The following CTIF variants were observed in gnomAD, a reference collection of about 807,000 sequenced individuals.
CTIF encodes the protein CBP80/20-dependent translation initiation factor.
In CTIF, 21 loss-of-function variants were observed where a neutral mutation model predicts 66.0. That is an observed-to-expected ratio of 0.32 (90% CI 0.23 to 0.46). CTIF has a LOEUF of 0.46. Ranked by LOEUF, CTIF falls within the 20% of genes least tolerant of loss-of-function variation. The pLI is 1.00. For synonymous variants in CTIF, 345 were observed against 326.4 expected (o/e 1.06, Z -0.62); for missense variants, 739 against 812.7 (o/e 0.91, Z 1.10).
chr18:48,648,560 A>T (rs7230732), intron 3 of CTIF, among the ~76,000 whole-genome samples: 1 of 151,602 alleles, frequency 6.6e-6, no homozygotes, highest in East Asian at 1.9e-4. Context: ...CTGCCCCCTG[A>T]CACCTCCCCC....
intron 10 of CTIF, among the ~76,000 whole-genome samples, chr18:48,819,200 C>T (rs1428493601): frequency 6.6e-6 from 1 of 152,220 alleles, no homozygotes; most frequent in Non-Finnish European, 1.5e-5. Flanking sequence ...AGACAATGGC[C>T]TCTCCTGACT....
At chr18:48,678,222 G>A (rs2091668866) in intron 6 of CTIF, among the ~76,000 whole-genome samples, 1 of 152,160 alleles carries the variant, frequency 6.6e-6, no homozygotes. Context: ...CTCTACTGCT[G>A]AAGGCAATAA....
chr18:48,769,057 T>C (rs573972257), intron 9 of CTIF, among the ~76,000 whole-genome samples: 1 of 152,258 alleles, frequency 6.6e-6, no homozygotes, highest in South Asian at 2.1e-4. Flanking sequence ...CACTCTCCAT[T>C]CGCCCTAGTC....
chr18:48,711,634 C>T lies in CTIF; in HGVS notation c.523C>T (p.Pro175Ser), dbSNP rs1568156690. ...CATGACACAGGGCTACCACCCGATG[C>T]CCCATGAAGTGGAGATCGCACACAC... ...LPAWQGYHPM[P>S]HEVEIAHTKK... Residue 175 changes from proline to serine, a missense_variant, in exon 7 of 12, where the codon CCC (proline) becomes TCC (serine). By Grantham distance (74) the Pro-to-Ser change is moderately conservative (BLOSUM62 -1). Transcript: ENST00000256413. 6.2e-7 allele frequency: 1 copy of T among 1,613,996 alleles called. No individual in the cohort carries two copies. The highest frequency in any genetic ancestry group is 8.5e-7 in the Non-Finnish European group (1 of 1,179,892).
chr18:48,582,048 C>A (rs1421805657), intron 1 of CTIF, among the ~76,000 whole-genome samples: 1 of 151,974 alleles, frequency 6.6e-6, no homozygotes, highest in African/African-American at 2.4e-5. Flanking sequence ...CCCTGAGGGA[C>A]CTCCTGTGCG....
intron 1 of CTIF, among the ~76,000 whole-genome samples, chr18:48,576,350 G>T (rs763712486): frequency 6.6e-6 from 1 of 152,260 alleles, no homozygotes; most frequent in Non-Finnish European, 1.5e-5. Flanking sequence ...AGAGATAGAA[G>T]AATTTGCGGT....
At chr18:48,715,472 T>C (rs1296732261) in intron 7 of CTIF, among the ~76,000 whole-genome samples, 2 of 152,182 alleles carry the variant, frequency 1.3e-5, no homozygotes, top group Non-Finnish European at 2.9e-5. Flanking sequence ...CCATGCAAGT[T>C]GGAGACCTGT....
intron 1 of CTIF, among the ~76,000 whole-genome samples, chr18:48,582,762 A>C (rs2089688728): frequency 6.6e-6 from 1 of 152,142 alleles, no homozygotes; most frequent in Non-Finnish European, 1.5e-5. Context: ...TAGTTCGTTT[A>C]GTCCTTAGAA....
intron 1 of CTIF, among the ~76,000 whole-genome samples, chr18:48,569,230 T>C (rs1326929237): frequency 6.6e-6 from 1 of 152,192 alleles, no homozygotes; most frequent in African/African-American, 2.4e-5. Context: ...AGTTCACAGT[T>C]CAGCCTGTAA....
intron 10 of CTIF, among the ~76,000 whole-genome samples, chr18:48,821,778 C>A (rs2068488116): frequency 6.6e-6 from 1 of 152,192 alleles, no homozygotes; most frequent in East Asian, 1.9e-4. Flanking sequence ...ATTTGCTTAG[C>A]AAGCTCCTTT....
chr18:48,837,571 G>A (rs1224253993), intron 10 of CTIF, among the ~76,000 whole-genome samples: 1 of 152,106 alleles, frequency 6.6e-6, no homozygotes, highest in Non-Finnish European at 1.5e-5. Context: ...TTAGAGCTAA[G>A]AAGAGGGTCT....
chr18:48,698,751 A>G (rs375428506), intron 6 of CTIF, among the ~76,000 whole-genome samples: 28 of 152,224 alleles, frequency 1.8e-4, no homozygotes, highest in African/African-American at 5.5e-4. Flanking sequence ...GCCCTAATCT[A>G]AAGCATTATC....
intron 1 of CTIF, among the ~76,000 whole-genome samples, chr18:48,586,774 C>T (rs984972886): frequency 6.6e-6 from 1 of 152,078 alleles, no homozygotes; most frequent in Non-Finnish European, 1.5e-5. Context: ...AGGGTACCTC[C>T]TTAGTTTCCA....
rs888198684 is a variant in CTIF at position 48,664,666 on chromosome 18, G to T, written c.431+115G>T. 1.5e-5 allele frequency: 12 copies of T among 826,784 alleles called. No homozygotes were observed. In the African/African-American group the frequency reaches 1.9e-4, roughly 13 times the overall value. 51.2% of individuals were successfully genotyped at this position (826,784 alleles called of 1,614,324 possible). ...AGGGGACTCAGGTGGCTGATGCCCC[G>T]GGATGCTCTTCTTATGCGTCCCAGA... On this transcript the variant is annotated intron_variant, in intron 5 of 11. Transcript: ENST00000256413.
At chr18:48,574,365 A>G (rs1265421430) in intron 1 of CTIF, among the ~76,000 whole-genome samples, 1 of 152,216 alleles carries the variant, frequency 6.6e-6, no homozygotes, top group Non-Finnish European at 1.5e-5. Flanking sequence ...CATAGCCTGC[A>G]TTATCCTGTG....
chr18:48,582,537 C>T (rs1478792493), intron 1 of CTIF, among the ~76,000 whole-genome samples: 2 of 152,042 alleles, frequency 1.3e-5, no homozygotes, highest in African/African-American at 4.8e-5. Context: ...CTGTGTTTCA[C>T]GTGGGCTCCT....
In CTIF at chr18:48,553,526, G is replaced by A. The variant is rs186944919; in HGVS notation, c.-29+14214G>A. 5.5e-3 allele frequency among the ~76,000 whole-genome samples: 845 copies of A among 152,282 alleles called. 5 individuals carry two copies. Among genetic ancestry groups the A allele is most frequent in the African/African-American group, 0.014 (574 of 41,566 alleles). On this transcript the variant is annotated intron_variant, in intron 1 of 11. Transcript: ENST00000256413. ...GAACAAGGATTGTTAACCTGCAGCCGCCCAGCTCCTGGCTCATCCCACGAG... is the reference window on the plus strand; with the variant it reads ...GAACAAGGATTGTTAACCTGCAGCCACCCAGCTCCTGGCTCATCCCACGAG...
intron 1 of CTIF, among the ~76,000 whole-genome samples, chr18:48,558,020 C>T (rs1275275100): frequency 6.6e-6 from 1 of 152,260 alleles, no homozygotes; most frequent in Non-Finnish European, 1.5e-5. Context: ...CAGTCTGTAA[C>T]ACTTCTCTAT....
chr18:48,814,925 G>A (rs1028090229), intron 9 of CTIF, among the ~76,000 whole-genome samples: 2 of 152,212 alleles, frequency 1.3e-5, no homozygotes, highest in African/African-American at 4.8e-5. Flanking sequence ...AAAGGAGTGG[G>A]GAGGCAGGAG....
Sources: allele counts gnomAD v4.1 joint callset (sites outside exome capture counted in the v4.1 genomes callset), GRCh38; gene constraint gnomAD v4.1.1; transcripts MANE v1.5; gene names NCBI Gene and HGNC (gene_info 2026-07-23, HGNC 2026-07-21).